CTNNA2: variants seen among roughly 807,000 people sequenced by gnomAD.
CTNNA2 encodes the protein catenin alpha 2, also known as catenin alpha-2.
Under a neutral mutation model 101.0 loss-of-function variants are expected in CTNNA2, and 42 were observed. That is an observed-to-expected ratio of 0.42 (90% CI 0.32 to 0.54). The LOEUF is 0.54. Among genes scored for constraint, CTNNA2 ranks in the 20% least tolerant of loss-of-function variants. The pLI is 0.14. For synonymous variants in CTNNA2, 450 were observed against 456.4 expected, an observed-to-expected ratio of 0.99 and a Z score of 0.18; for missense variants, 871 against 1,223.1, an observed-to-expected ratio of 0.71 and a Z score of 4.29.
chr2:79,598,934 G>A (rs1406037718), intron 1 of CTNNA2, among the ~76,000 whole-genome samples: 1 of 151,966 alleles, frequency 6.6e-6, no homozygotes. Flanking sequence ...TTATAGTTTT[G>A]CATTTTATGT....
intron 2 of CTNNA2, among the ~76,000 whole-genome samples, chr2:79,675,579 A>G (rs1232925148): frequency 6.6e-6 from 1 of 152,134 alleles, no homozygotes; most frequent in African/African-American, 2.4e-5. Flanking sequence ...ATAAAATTTT[A>G]TTTTCTAATT....
chr2:79,584,476 A>G (rs1457976290), intron 1 of CTNNA2, among the ~76,000 whole-genome samples: 1 of 151,570 alleles, frequency 6.6e-6, no homozygotes, highest in Non-Finnish European at 1.5e-5. Flanking sequence ...CAAATTTAGG[A>G]TATAATGAGA....
At chr2:80,102,735 C>G (rs920023984) in intron 7 of CTNNA2, among the ~76,000 whole-genome samples, 1 of 152,118 alleles carries the variant, frequency 6.6e-6, no homozygotes, top group Non-Finnish European at 1.5e-5. Context: ...TGGTCTTGAA[C>G]TCCTGACTTC....
intron 7 of CTNNA2, among the ~76,000 whole-genome samples, chr2:80,285,680 C>A (rs1238854081): frequency 6.6e-6 from 1 of 152,124 alleles, no homozygotes; most frequent in African/African-American, 2.4e-5. Flanking sequence ...AGTGGGAATG[C>A]AAATGAATGT....
Position 79,215,028 on chromosome 2 carries a change from C to T in CTNNA2, c.-406+16952C>T, listed in dbSNP as rs567308162. ...ACTGTGAGAGTCACCTGAAGCTCGG[C>T]GTCCGTGATGGTCTAGGGGGCTTCT... On this transcript the variant is annotated intron_variant, in intron 2 of 21. Transcript: ENST00000466387. Among the ~76,000 whole-genome samples the T allele has an allele frequency of 5.5e-3, 830 of 152,154 alleles. 10 individuals are homozygous for T. Among genetic ancestry groups the T allele is most frequent in the African/African-American group, 0.019 (799 of 41,520 alleles).
At chr2:79,682,238 C>T (rs1558833668) in intron 2 of CTNNA2, among the ~76,000 whole-genome samples, 1 of 151,560 alleles carries the variant, frequency 6.6e-6, no homozygotes, top group Non-Finnish European at 1.5e-5. Flanking sequence ...GAAACCCCGT[C>T]TCTACTAAAA....
At chr2:79,481,585 C>T (rs1573186416) in intron 4 of CTNNA2, among the ~76,000 whole-genome samples, 1 of 152,082 alleles carries the variant, frequency 6.6e-6, no homozygotes, top group South Asian at 2.1e-4. Context: ...AACACGTACA[C>T]ATACAAAATA....
intron 3 of CTNNA2, among the ~76,000 whole-genome samples, chr2:79,832,206 A>T (rs959054022): frequency 1.1e-4 from 17 of 152,186 alleles, no homozygotes; most frequent in African/African-American, 3.6e-4. Flanking sequence ...TGTGCTACAA[A>T]CTGTGAAAGG....
At chr2:80,204,221 C>T (rs1054554363) in intron 7 of CTNNA2, among the ~76,000 whole-genome samples, 2 of 152,216 alleles carry the variant, frequency 1.3e-5, no homozygotes, top group African/African-American at 2.4e-5. Context: ...ACATTTGGCT[C>T]CTCATTACTT....
chr2:79,516,622 C>G (rs1251573286), intron 1 of CTNNA2, among the ~76,000 whole-genome samples: 4 of 152,094 alleles, frequency 2.6e-5, no homozygotes, highest in African/African-American at 9.7e-5. Context: ...AGTGTGGGAT[C>G]CATTTCATTA....
At chr2:80,342,154 A>G (rs1672303177) in intron 7 of CTNNA2, among the ~76,000 whole-genome samples, 1 of 152,176 alleles carries the variant, frequency 6.6e-6, no homozygotes, top group Non-Finnish European at 1.5e-5. Flanking sequence ...TAACCAATTT[A>G]TTTTGGGGAA....
intron 9 of CTNNA2, among the ~76,000 whole-genome samples, chr2:80,507,963 G>A (rs1270059070): frequency 6.6e-6 from 1 of 152,094 alleles, no homozygotes; most frequent in Non-Finnish European, 1.5e-5. Context: ...TGGCAAGACA[G>A]GCACTTCACT....
chr2:79,670,020 C>T (rs911730177), intron 2 of CTNNA2, among the ~76,000 whole-genome samples: 1 of 152,186 alleles, frequency 6.6e-6, no homozygotes, highest in Non-Finnish European at 1.5e-5. Context: ...AGAGGCCAGG[C>T]TGTGGGAGCA....
At position 80,017,939 on chromosome 2, in the gene CTNNA2, A is replaced by C. The variant is rs1182043125; in HGVS notation, c.1056+108142A>C. 3.3e-5 allele frequency among the ~76,000 whole-genome samples: 5 copies of C among 151,080 alleles called. No individual in the cohort carries two copies. The East Asian group carries it at 9.7e-4, about 29-fold the overall frequency. On this transcript the variant is annotated intron_variant, in intron 7 of 18. Coordinates refer to ENST00000402739, the MANE Select transcript of CTNNA2 (RefSeq NM_001282597.3). ...TGGATATAATCTCTTCCTTGCCTAC[A>C]CTACTATGTTTTTGGGAAGTTCAAT... is the stretch of plus-strand genomic sequence containing the variant.
At chr2:80,527,907 C>G (rs1216139144) in intron 9 of CTNNA2, among the ~76,000 whole-genome samples, 1 of 152,188 alleles carries the variant, frequency 6.6e-6, no homozygotes, top group African/African-American at 2.4e-5. Flanking sequence ...TGTCCATACA[C>G]AAGGGCGAGT....
intron 7 of CTNNA2, among the ~76,000 whole-genome samples, chr2:80,029,163 C>T (rs139308617): frequency 2.0e-5 from 3 of 152,282 alleles, no homozygotes; most frequent in Non-Finnish European, 2.9e-5. Flanking sequence ...ACTGCTACTA[C>T]GATTACTACT....
intron 2 of CTNNA2, among the ~76,000 whole-genome samples, chr2:79,742,325 C>A (rs952079279): frequency 3.3e-5 from 5 of 151,808 alleles, no homozygotes; most frequent in African/African-American, 1.2e-4. Flanking sequence ...CCTCTCCACC[C>A]TATTTTTTTT....
chr2:80,301,935 T>G, intron 7 of CTNNA2: 1 of 232,378 alleles, frequency 4.3e-6, no homozygotes, highest in East Asian at 9.0e-5. Context: ...AAAAAATCAA[T>G]GATTGGTACC....
At chr2:79,412,561 C>T (rs1678427537) in intron 4 of CTNNA2, among the ~76,000 whole-genome samples, 1 of 151,860 alleles carries the variant, frequency 6.6e-6, no homozygotes, top group African/African-American at 2.4e-5. Context: ...GACCACAGTG[C>T]AATCAAACTA....
Sources: gnomAD v4.1 joint callset for allele counts (sites outside exome capture counted in the v4.1 genomes callset) on GRCh38, gnomAD v4.1.1 for gene constraint, MANE v1.5 for transcripts, NCBI Gene and HGNC (gene_info 2026-07-23, HGNC 2026-07-21) for gene names.